STPG2: variants seen among roughly 807,000 people sequenced by gnomAD.
STPG2 encodes sperm tail PG-rich repeat containing 2.
A neutral mutation model predicts 54.2 loss-of-function variants in STPG2; 56 were observed. The observed-to-expected ratio is 1.03, with a 90% confidence interval of 0.83 to 1.29. STPG2 has a LOEUF of 1.29. STPG2 is among the 50% of genes most tolerant of loss of function. The probability of loss-of-function intolerance (pLI) is 0.00; values close to 1 mark genes in which losing one functional copy is unlikely to be tolerated. For missense variants in STPG2, 596 were observed against 544.9 expected (o/e 1.09, Z -0.93); for synonymous variants, 200 against 181.8 (o/e 1.10, Z -0.81).
chr4:98,026,306 A>G (rs1736418825), intron 5 of STPG2: 2 of 651,512 alleles, frequency 3.1e-6, no homozygotes, highest in East Asian at 2.9e-5. Context: ...GATAAAGACA[A>G]TAAAAGTATG....
At chr4:98,071,390 T>C (rs1737998870) in intron 5 of STPG2, among the ~76,000 whole-genome samples, 1 of 152,120 alleles carries the variant, frequency 6.6e-6, no homozygotes. Flanking sequence ...ACTGGGCCCC[T>C]TCCTTACACC....
At chr4:97,741,727 A>G (rs1725241982) in intron 9 of STPG2, among the ~76,000 whole-genome samples, 2 of 151,904 alleles carry the variant, frequency 1.3e-5, no homozygotes, top group Non-Finnish European at 2.9e-5. Context: ...GGTGCTGGAG[A>G]GGATGTGGAG....
At chr4:97,926,668 G>C (rs1357951856) in intron 8 of STPG2, among the ~76,000 whole-genome samples, 1 of 151,966 alleles carries the variant, frequency 6.6e-6, no homozygotes, top group African/African-American at 2.4e-5. Context: ...AGGAGCTTCT[G>C]GTTTAAAAAG....
chr4:97,527,807 G>A (rs937360972), intron 4 of STPG2, among the ~76,000 whole-genome samples: 1 of 152,138 alleles, frequency 6.6e-6, no homozygotes, highest in Non-Finnish European at 1.5e-5. Flanking sequence ...CTTTTGAGAA[G>A]TGTCTGTTCA....
chr4:97,576,108 T>C (rs149794518), intron 10 of STPG2, among the ~76,000 whole-genome samples: 3 of 151,826 alleles, frequency 2.0e-5, no homozygotes, highest in Non-Finnish European at 4.4e-5. Context: ...AAAGTAATCA[T>C]AGATGATATA....
At chr4:97,983,399 C>CA (rs1383676257) in intron 5 of STPG2, among the ~76,000 whole-genome samples, 1 of 152,154 alleles carries the variant, frequency 6.6e-6, no homozygotes, top group Non-Finnish European at 1.5e-5. Flanking sequence ...TCAAAAGCCA[C>CA]ATGCAGATTT....
At chr4:97,919,112 T>C (rs112190514) in intron 8 of STPG2, among the ~76,000 whole-genome samples, 4 of 151,882 alleles carry the variant, frequency 2.6e-5, no homozygotes, top group African/African-American at 7.2e-5. Flanking sequence ...TATGTCAAAA[T>C]AGAAAAACAA....
At chr4:97,955,931 C>A (rs1002339375) in intron 7 of STPG2, among the ~76,000 whole-genome samples, 1 of 151,988 alleles carries the variant, frequency 6.6e-6, no homozygotes, top group Non-Finnish European at 1.5e-5. Flanking sequence ...CAAACAAAAA[C>A]TGTAATAATT....
At position 98,134,363 on chromosome 4, in the gene STPG2, T is replaced by A. The variant is rs770161559; in HGVS notation, c.206A>T (p.Asn69Ile). Residue 69 changes from asparagine (N) to isoleucine (I), a missense_variant, in exon 2 of 11, where the codon AAT becomes ATT. Coordinates refer to ENST00000295268, the MANE Select transcript of STPG2 (RefSeq NM_174952.3). ...TAAAGTTACCTGTGCTTCTGAAACA[T>A]TATAGTGTCCTGGACCTGGAACAGC... ...EKAVPGPGHYNVSEAQKISRS... is the reference protein window; with the variant it reads ...EKAVPGPGHYIVSEAQKISRS... 2 of 1,557,814 alleles carry A rather than the reference T, an allele frequency of 1.3e-6. No homozygotes were observed. The highest frequency in any genetic ancestry group is 1.7e-6 in the Non-Finnish European group (2 of 1,149,278).
chr4:97,633,988 C>T (rs2148936080), intron 10 of STPG2, among the ~76,000 whole-genome samples: 1 of 152,308 alleles, frequency 6.6e-6, no homozygotes, highest in Non-Finnish European at 1.5e-5. Context: ...GTGGAGCCCA[C>T]CACAGCTCAA....
At chr4:98,052,522 G>C (rs1368075918) in intron 5 of STPG2, among the ~76,000 whole-genome samples, 1 of 152,158 alleles carries the variant, frequency 6.6e-6, no homozygotes, top group Non-Finnish European at 1.5e-5. Flanking sequence ...AGGTATGATA[G>C]AGTTTTAAAT....
chr4:97,967,278 A>G (rs190068925), intron 7 of STPG2, among the ~76,000 whole-genome samples: 1 of 152,296 alleles, frequency 6.6e-6, no homozygotes, highest in Non-Finnish European at 1.5e-5. Context: ...AGGCCATTAC[A>G]TAATGGTAAA....
At chr4:98,129,413 A>G (rs1392378765) in intron 2 of STPG2, among the ~76,000 whole-genome samples, 2 of 152,310 alleles carry the variant, frequency 1.3e-5, no homozygotes, top group East Asian at 3.9e-4. Context: ...TAGCAGGAAA[A>G]TATCTATGAT....
At chr4:97,839,321 G>A (rs1728724500) in intron 9 of STPG2, among the ~76,000 whole-genome samples, 1 of 151,528 alleles carries the variant, frequency 6.6e-6, no homozygotes, top group Non-Finnish European at 1.5e-5. Flanking sequence ...CTTGCCCTAT[G>A]CTAAATACTG....
chr4:97,493,216 T>C (rs1024144405), intron 4 of STPG2, among the ~76,000 whole-genome samples: 1 of 150,960 alleles, frequency 6.6e-6, no homozygotes, highest in Non-Finnish European at 1.5e-5. Context: ...AGAATAACAC[T>C]GGTAAGACCC....
intron 4 of STPG2, among the ~76,000 whole-genome samples, chr4:97,472,217 A>G (rs1479434215): frequency 6.6e-6 from 1 of 152,238 alleles, no homozygotes; most frequent in Non-Finnish European, 1.5e-5. Context: ...ATTCATTCTG[A>G]AATTTCTGTG....
chr4:97,853,813 A>G (rs751573866), intron 8 of STPG2, among the ~76,000 whole-genome samples: 3 of 152,106 alleles, frequency 2.0e-5, no homozygotes, highest in Non-Finnish European at 4.4e-5. Context: ...ACTGGGTCTC[A>G]TTCTCTCACC....
intron 8 of STPG2, among the ~76,000 whole-genome samples, chr4:97,851,591 T>C (rs1386555684): frequency 1.3e-5 from 2 of 152,206 alleles, no homozygotes; most frequent in Non-Finnish European, 2.9e-5. Flanking sequence ...CTAAAGATGT[T>C]CCTGTTTCTA....
chr4:97,666,676 T>C (rs1196809860), intron 10 of STPG2, among the ~76,000 whole-genome samples: 2 of 152,216 alleles, frequency 1.3e-5, no homozygotes, highest in African/African-American at 4.8e-5. Flanking sequence ...TGACATTTAT[T>C]GTGTACTTAC....
Sources: gnomAD v4.1 joint callset for allele counts (sites outside exome capture counted in the v4.1 genomes callset) on GRCh38, gnomAD v4.1.1 for gene constraint, MANE v1.5 for transcripts, NCBI Gene and HGNC (gene_info 2026-07-23, HGNC 2026-07-21) for gene names.